Variants in GSG1L observed in about 807,000 individuals in gnomAD.
The protein encoded by GSG1L is GSG1 like.
GSG1L carries 24 observed loss-of-function variants against 42.1 expected under a neutral mutation model. The ratio of observed to expected loss-of-function variants is 0.57; its 90% CI spans 0.41 to 0.80. The LOEUF (loss-of-function observed/expected upper bound fraction) is 0.80, where lower values mean the gene tolerates loss of function less well. GSG1L is among the 30% of genes least tolerant of loss of function. GSG1L has a pLI of 0.00. For synonymous variants in GSG1L, 215 were observed against 203.5 expected (o/e 1.06, Z -0.48); for missense variants, 445 against 472.2 (o/e 0.94, Z 0.53).
intron 2 of GSG1L, among the ~76,000 whole-genome samples, chr16:27,943,510 A>G (rs1019118360): frequency 4.7e-5 from 7 of 149,022 alleles, no homozygotes; most frequent in Admixed American, 2.7e-4. Flanking sequence ...AAATAAATCT[A>G]TATACTTGGT....
chr16:27,839,750 G>A lies in GSG1L; in HGVS notation c.662+5200C>T, dbSNP rs116469940. The stretch of plus-strand genomic sequence containing the variant: ...CCAATGATCATGAATCAGAAACCTG[G>A]ACTTTTATGTAGAAGTTTTACCATT... On this transcript the variant is annotated intron_variant, in intron 4 of 6. Transcript: ENST00000447459. Among the ~76,000 whole-genome samples the A allele has an allele frequency of 6.9e-3, 1,047 of 152,332 alleles. 13 individuals are homozygous for A. The highest frequency in any genetic ancestry group is 0.024 in the African/African-American group (983 of 41,576).
In GSG1L at chr16:27,854,493, C is replaced by A. The variant is rs529173913; in HGVS notation, c.551-9432G>T. On this transcript the variant is annotated intron_variant, in intron 3 of 6. Transcript: ENST00000447459. The stretch of plus-strand genomic sequence containing the variant: ...CCTTTCCATTACATCCCCTGGGAGC[C>A]ACAGGGAGGTGAAGTTGGCACTCAC... Among the ~76,000 whole-genome samples, 220 of 152,288 alleles carry A rather than the reference C, an allele frequency of 1.4e-3. 1 individual carries two copies. Among genetic ancestry groups the A allele is most frequent in the African/African-American group, 5.1e-3 (213 of 41,562 alleles).
chr16:27,868,432 GTAAA>G (rs1257194857), intron 3 of GSG1L, among the ~76,000 whole-genome samples: 2 of 152,222 alleles, frequency 1.3e-5, no homozygotes, highest in Non-Finnish European at 2.9e-5. Flanking sequence ...GGATATGGCC[GTAAA>G]TACGGCAAGG....
chr16:27,926,435 G>C lies in GSG1L; in HGVS notation c.397+36721C>G, dbSNP rs565042687. Among the ~76,000 whole-genome samples the C allele has an allele frequency of 1.2e-3, 189 of 152,194 alleles. 1 individual carries two copies. Among genetic ancestry groups the C allele is most frequent in the African/African-American group, 4.4e-3 (182 of 41,516 alleles). ...CTGAAGCCACTGGGCCTGGGAGGCC[G>C]GTGCTGGTGGATCACCTGAGGTCAG... On this transcript the variant is annotated intron_variant, in intron 2 of 6. Transcript: ENST00000447459.
At chr16:28,001,643 T>C (rs1444683149) in intron 1 of GSG1L, among the ~76,000 whole-genome samples, 1 of 152,206 alleles carries the variant, frequency 6.6e-6, no homozygotes, top group Non-Finnish European at 1.5e-5. Flanking sequence ...AAGCCTCTGA[T>C]CTTGGGGGAT....
chr16:28,055,982 A>G (rs1436173073), intron 1 of GSG1L, among the ~76,000 whole-genome samples: 1 of 152,086 alleles, frequency 6.6e-6, no homozygotes, highest in East Asian at 1.9e-4. Flanking sequence ...GAAATAAACC[A>G]AGAGAGGGAG....
chr16:27,958,635 GA>G (rs2085033411), intron 2 of GSG1L, among the ~76,000 whole-genome samples: 1 of 152,120 alleles, frequency 6.6e-6, no homozygotes, highest in African/African-American at 2.4e-5. Flanking sequence ...GGGTTTATAA[GA>G]GACTTTCATC....
chr16:27,850,800 C>CTTTT, intron 3 of GSG1L, among the ~76,000 whole-genome samples: 1 of 132,602 alleles, frequency 7.5e-6, no homozygotes, highest in Non-Finnish European at 1.6e-5. Context: ...TATCATCTAC[C>CTTTT]TTTTTTTTTT....
intron 6 of GSG1L, among the ~76,000 whole-genome samples, chr16:27,795,938 A>G (rs1465130301): frequency 6.6e-6 from 1 of 152,180 alleles, no homozygotes; most frequent in Non-Finnish European, 1.5e-5. Context: ...AATCACATCT[A>G]CTGTTCCAAA....
At chr16:27,947,599 A>AAGAAAAAGAG (rs1401836017) in intron 2 of GSG1L, among the ~76,000 whole-genome samples, 1 of 85,994 alleles carries the variant, frequency 1.2e-5, no homozygotes, top group African/African-American at 5.1e-5. Flanking sequence ...GAAAGAAAGA[A>AAGAAAAAGAG]AAAGAAAGAA....
chr16:27,855,551 C>A (rs1286293942), intron 3 of GSG1L, among the ~76,000 whole-genome samples: 1 of 151,932 alleles, frequency 6.6e-6, no homozygotes, highest in African/African-American at 2.4e-5. Flanking sequence ...GAAACCCCAT[C>A]TCTACTAAAA....
chr16:27,871,363 C>T (rs1283408371), intron 3 of GSG1L, among the ~76,000 whole-genome samples: 3 of 152,062 alleles, frequency 2.0e-5, no homozygotes, highest in South Asian at 2.1e-4. Flanking sequence ...AATTTGGGGC[C>T]GGGCGCAGTG....
At chr16:27,794,816 G>A (rs2082800098) in intron 6 of GSG1L, among the ~76,000 whole-genome samples, 2 of 152,124 alleles carry the variant, frequency 1.3e-5, no homozygotes, top group African/African-American at 4.8e-5. Flanking sequence ...CTGTTCCATG[G>A]CTTTGCATAG....
At chr16:28,003,308 G>A (rs1023370711) in intron 1 of GSG1L, among the ~76,000 whole-genome samples, 3 of 152,204 alleles carry the variant, frequency 2.0e-5, no homozygotes, top group Admixed American at 6.5e-5. Flanking sequence ...AAGGATACAC[G>A]GGCATCTCGC....
chr16:27,982,429 T>C (rs1429306314), intron 1 of GSG1L, among the ~76,000 whole-genome samples: 2 of 152,066 alleles, frequency 1.3e-5, no homozygotes, highest in African/African-American at 2.4e-5. Flanking sequence ...CAATATGATG[T>C]GTGTGTGCGT....
intron 1 of GSG1L, among the ~76,000 whole-genome samples, chr16:28,054,661 ATAT>A (rs1361489378): frequency 6.6e-6 from 1 of 151,424 alleles, no homozygotes; most frequent in Non-Finnish European, 1.5e-5. Flanking sequence ...AAATAATAAA[ATAT>A]TATTATTACA....
chr16:28,027,726 GAAGT>G (rs2085915401), intron 1 of GSG1L, among the ~76,000 whole-genome samples: 1 of 152,160 alleles, frequency 6.6e-6, no homozygotes, highest in African/African-American at 2.4e-5. Flanking sequence ...TCCATCATTA[GAAGT>G]AAGAGTCTTG....
chr16:28,063,274 T>C lies in GSG1L; in HGVS notation c.151A>G (p.Asn51Asp). Residue 51 changes from asparagine to aspartate, a missense_variant, in exon 1 of 7, where the codon AAC becomes GAC. Asn to Asp is a conservative substitution (Grantham distance 23). Around this residue, in one of 3 missense-constraint regions of GSG1L, gnomAD observed 156 missense variants for 128.3 expected, o/e 1.22. Coordinates refer to ENST00000447459, the MANE Select transcript of GSG1L (RefSeq NM_001109763.2). The surrounding 1 kb of genome is among the most constrained non-coding windows in gnomAD (Gnocchi z 5.8). ...GCGTTGGCGCCCGAGTTGGGGCAGT[T>C]GGCGCGCCCGCCCTGGCCGCAGCCC... ...KPGCGQGGRA[N>D]CPNSGANATA... 1 of 1,362,360 alleles carries C rather than the reference T, an allele frequency of 7.3e-7. No homozygotes were observed. Among genetic ancestry groups the C allele is most frequent in the Non-Finnish European group, 9.5e-7 (1 of 1,049,046 alleles). The allele number at this position is 1,362,360 out of a possible 1,614,324, so 84.4% of individuals were successfully genotyped here.
chr16:27,827,414 T>G (rs2083222794), intron 5 of GSG1L, among the ~76,000 whole-genome samples: 2 of 152,242 alleles, frequency 1.3e-5, no homozygotes, highest in Admixed American at 1.3e-4. Context: ...ACAGCAGCTC[T>G]AAGGATGTAG....
Sources: gnomAD v4.1 joint callset for allele counts (sites outside exome capture counted in the v4.1 genomes callset) on GRCh38, gnomAD v4.1.1 for gene constraint, gnomAD v4.1.1 regional missense constraint, Gnocchi (gnomAD v3.1) non-coding constraint, MANE v1.5 for transcripts, NCBI Gene and HGNC (gene_info 2026-07-23, HGNC 2026-07-21) for gene names.